POLH: variants seen among roughly 807,000 people sequenced by gnomAD.
POLH encodes the protein DNA polymerase eta transcript.
POLH carries 53 observed loss-of-function variants against 73.6 expected under a neutral mutation model. The observed-to-expected ratio is 0.72, with a 90% confidence interval of 0.58 to 0.91. The LOEUF is 0.91. POLH is among the 40% of genes least tolerant of loss of function. POLH has a pLI of 0.00. For synonymous variants in POLH, 292 were observed against 308.5 expected, an observed-to-expected ratio of 0.95 and a Z score of 0.56; for missense variants, 768 against 865.4, an observed-to-expected ratio of 0.89 and a Z score of 1.41.
intron 1 of POLH, among the ~76,000 whole-genome samples, chr6:43,581,524 T>C (rs1314146893): frequency 1.3e-5 from 2 of 149,930 alleles, no homozygotes; most frequent in Non-Finnish European, 3.0e-5. Flanking sequence ...TCTCGGCACT[T>C]TGGGAGGCCA....
chr6:43,606,390 A>G (rs1767295852), intron 9 of POLH, among the ~76,000 whole-genome samples: 1 of 149,708 alleles, frequency 6.7e-6, no homozygotes, highest in Non-Finnish European at 1.5e-5. Context: ...AGCATTGTAC[A>G]TTTTTCTTTC....
intron 4 of POLH, among the ~76,000 whole-genome samples, chr6:43,588,999 G>A (rs1261281055): frequency 1.3e-5 from 2 of 151,836 alleles, no homozygotes; most frequent in Non-Finnish European, 2.9e-5. Context: ...CACCGCGCCC[G>A]GCTAATTTTT....
rs536977248 is a variant in POLH at position 43,613,581 on chromosome 6, C to T, written c.1245-79C>T. 1.7e-5 allele frequency: 20 copies of T among 1,155,364 alleles called. No individual in the cohort carries two copies. The African/African-American group carries it at 2.9e-4, about 17-fold the overall frequency. 71.6% of individuals were successfully genotyped at this position (1,155,364 alleles called of 1,614,324 possible). A position where few individuals can be genotyped will look rare whatever the true frequency, so the allele number is the denominator to read the frequency against. The stretch of plus-strand genomic sequence containing the variant: ...GTCCTATGGTGAAATAAAACAGATA[C>T]AATTCATGGAATTAGCAATAGGTCA... On this transcript the variant is annotated intron_variant, in intron 10 of 10. Coordinates refer to ENST00000372236, the MANE Select transcript of POLH (RefSeq NM_006502.3).
chr6:43,606,804 C>CAATTT (rs1767354350), intron 9 of POLH, among the ~76,000 whole-genome samples: 1 of 152,100 alleles, frequency 6.6e-6, no homozygotes, highest in Non-Finnish European at 1.5e-5. Context: ...TAAAATAATT[C>CAATTT]AGTGGTTTTA....
Position 43,619,364 on chromosome 6 carries a change from C to CAAA in POLH, c.*4835_*4837dup, listed in dbSNP as rs60046548. Among the ~76,000 whole-genome samples the CAAA allele has an allele frequency of 2.3e-3, 87 of 37,058 alleles. 5 individuals carry two copies. The highest frequency in any genetic ancestry group is 4.5e-3 in the South Asian group (3 of 668). The allele number at this position is 37,058 out of a possible 152,430, so 24.3% of individuals were successfully genotyped here. On this transcript the variant is annotated 3_prime_UTR_variant, in exon 11 of 11. Transcript: ENST00000372236. Reference sequence around the variant, plus strand: ...TGGGTGACAGTCTGAGACCCTGTCTCAAAAAAAAAAAAAAAAAAAAAAAAA... The same window carrying CAAA: ...TGGGTGACAGTCTGAGACCCTGTCTCAAAAAAAAAAAAAAAAAAAAAAAAAAAA...
chr6:43,586,398 T>A (rs1400367500), intron 3 of POLH, among the ~76,000 whole-genome samples: 1 of 152,198 alleles, frequency 6.6e-6, no homozygotes, highest in Non-Finnish European at 1.5e-5. Flanking sequence ...GGAGAATTGC[T>A]TGAACCCGGG....
At chr6:43,581,615 G>A (rs1349919217) in intron 1 of POLH, among the ~76,000 whole-genome samples, 2 of 146,060 alleles carry the variant, frequency 1.4e-5, no homozygotes, top group Admixed American at 6.6e-5. Context: ...GGCGCTCGCC[G>A]GCGCGGCGGC....
rs56213129 is a variant in POLH at position 43,614,160 on chromosome 6, C to G, written c.1745C>G (p.Ser582Trp). 1.2e-6 allele frequency: 2 copies of G among 1,614,022 alleles called. No homozygotes were observed. Among genetic ancestry groups the G allele is most frequent in the South Asian group, 1.1e-5 (1 of 91,074 alleles). ...TGTGTCCCTGTTTGTGAAGGGGTGTCGAAGCTAGAAGAATCCTCTAAAGCA... is the reference window on the plus strand; with the variant it reads ...TGTGTCCCTGTTTGTGAAGGGGTGTGGAAGCTAGAAGAATCCTCTAAAGCA... The part of the protein sequence containing the change: ...PGCVPVCEGV[S>W]KLEESSKATP... Residue 582 changes from serine (S) to tryptophan (W), a missense_variant, in exon 11 of 11, where the codon TCG (serine) becomes TGG (tryptophan). By Grantham distance (177) the Ser-to-Trp change is radical (BLOSUM62 -3). Coordinates refer to ENST00000372236, the MANE Select transcript of POLH (RefSeq NM_006502.3).
rs748244166 is a variant in POLH at position 43,597,790 on chromosome 6, G to C, written c.585G>C (p.Val195=). 1.9e-6 allele frequency: 3 copies of C among 1,613,910 alleles called. No homozygotes were observed. The highest frequency in any genetic ancestry group is 2.5e-6 in the Non-Finnish European group (3 of 1,179,798). The stretch of plus-strand genomic sequence containing the variant: ...ACCTGCAGCTCACCGTGGGAGCAGT[G>C]ATTGTGGAGGAAATGAGAGCAGCCA... ...SPDLQLTVGA[V]IVEEMRAAIE... The change falls in exon 5 of 11, where the codon GTG becomes GTC. Residue 195 remains valine, a synonymous_variant. Coordinates refer to ENST00000372236, the MANE Select transcript of POLH (RefSeq NM_006502.3).
At chr6:43,590,403 A>G (rs1479372610) in intron 4 of POLH, among the ~76,000 whole-genome samples, 2 of 151,114 alleles carry the variant, frequency 1.3e-5, no homozygotes, top group Non-Finnish European at 3.0e-5. Context: ...ATGTTAGATT[A>G]TGATAGTCCT....
intron 4 of POLH, among the ~76,000 whole-genome samples, chr6:43,597,242 A>C (rs1286780239): frequency 6.6e-6 from 1 of 152,020 alleles, no homozygotes; most frequent in Non-Finnish European, 1.5e-5. Flanking sequence ...CAGCCTCCTG[A>C]GTAGCTGTGG....
chr6:43,597,710 CAA>C lies in POLH; in HGVS notation c.506_507del (p.Gln169ArgfsTer12). ...ATTCATTTCAGAGGGGATGCGAAAA[CAA>C]GGCTTATTTCAATGGCTCGATTCTC... is the stretch of plus-strand genomic sequence containing the variant. Reference protein sequence around the residue: ...ETVQKEGMRKQGLFQWLDSLQ... With the variant: ...ETVQKEGMRKXGLFQWLDSLQ... On this transcript the variant is annotated frameshift_variant, in exon 5 of 11. Coordinates refer to ENST00000372236, the MANE Select transcript of POLH (RefSeq NM_006502.3). LOFTEE classifies it high-confidence loss of function. 1 of 1,613,866 alleles carries C rather than the reference CAA, an allele frequency of 6.2e-7. No individual in the cohort carries two copies. The highest frequency in any genetic ancestry group is 8.5e-7 in the Non-Finnish European group (1 of 1,179,820).
At chr6:43,605,445 T>A in intron 9 of POLH, 126 bp downstream of exon 9, 78 of 196,348 alleles carry the variant, frequency 4.0e-4, no homozygotes, top group Non-Finnish European at 5.1e-4. Flanking sequence ...TTTTCTTTCT[T>A]TTTTTTTTTT....
rs1475677948 is a variant in POLH, at chr6:43,602,995, C to CCT, written c.765-897_765-896insCT. Among the ~76,000 whole-genome samples, 187 of 114,034 alleles carry CCT rather than the reference C, an allele frequency of 1.6e-3. 2 individuals carry two copies. Among genetic ancestry groups the CCT allele is most frequent in the African/African-American group, 7.0e-3 (181 of 25,804 alleles). The allele number at this position is 114,034 out of a possible 152,430, so 74.8% of individuals were successfully genotyped here. On this transcript the variant is annotated intron_variant, in intron 6 of 10. Transcript: ENST00000372236. The stretch of plus-strand genomic sequence containing the variant: ...CTGTTTATATTTAGGTTATGTATTC[C>CCT]TTTTTTTTTTTTTTTTTTTTTTTGA...
intron 3 of POLH, among the ~76,000 whole-genome samples, chr6:43,586,348 G>T (rs988340290): frequency 3.3e-5 from 5 of 152,168 alleles, no homozygotes; most frequent in African/African-American, 1.2e-4. Context: ...AGGCGTGGTG[G>T]CAGGCGCCTG....
At chr6:43,587,940 T>G (rs1489394347) in intron 4 of POLH, among the ~76,000 whole-genome samples, 2 of 152,096 alleles carry the variant, frequency 1.3e-5, no homozygotes, top group African/African-American at 4.8e-5. Context: ...GGCAGGAGAT[T>G]TGCTTGAACC....
chr6:43,594,471 C>A (rs1765829325), intron 4 of POLH, among the ~76,000 whole-genome samples: 1 of 152,146 alleles, frequency 6.6e-6, no homozygotes, highest in African/African-American at 2.4e-5. Flanking sequence ...GCCTGTAATC[C>A]CAGCACTTTG....
intron 9 of POLH, among the ~76,000 whole-genome samples, chr6:43,608,184 C>A (rs1767505687): frequency 6.6e-6 from 1 of 152,060 alleles, no homozygotes; most frequent in East Asian, 1.9e-4. Flanking sequence ...ATTGGGTTGT[C>A]TCTTTATTAT....
chr6:43,593,878 CAAAAAA>C (rs768129925), intron 4 of POLH, among the ~76,000 whole-genome samples: 1 of 85,186 alleles, frequency 1.2e-5, no homozygotes, highest in African/African-American at 3.8e-5. Flanking sequence ...GACTCCGTCT[CAAAAAA>C]AAAAAAAAAA....
Sources: allele counts gnomAD v4.1 joint callset (sites outside exome capture counted in the v4.1 genomes callset), GRCh38; gene constraint gnomAD v4.1.1; transcripts MANE v1.5; gene names NCBI Gene and HGNC (gene_info 2026-07-23, HGNC 2026-07-21).